The following SFMBT1 variants were observed in gnomAD, a reference collection of about 807,000 sequenced individuals.
The protein encoded by SFMBT1 is scm-like with four MBT domains protein 1.
SFMBT1 carries 32 observed loss-of-function variants against 108.7 expected under a neutral mutation model. That is an observed-to-expected ratio of 0.29 (90% CI 0.22 to 0.40). SFMBT1 has a LOEUF of 0.40. SFMBT1 is among the 10% of genes least tolerant of loss of function. The pLI is 1.00. For missense variants in SFMBT1, 816 were observed against 1,059.6 expected (o/e 0.77, Z 3.19); for synonymous variants, 348 against 369.5 (o/e 0.94, Z 0.67).
At chr3:53,040,703 A>G (rs1700011486) in intron 1 of SFMBT1, among the ~76,000 whole-genome samples, 1 of 152,144 alleles carries the variant, frequency 6.6e-6, no homozygotes, top group Non-Finnish European at 1.5e-5. Context: ...CTCTCTCTGC[A>G]TAGTGACATG....
chr3:52,969,555 T>G (rs961211710), intron 1 of SFMBT1, among the ~76,000 whole-genome samples: 3 of 152,154 alleles, frequency 2.0e-5, no homozygotes, highest in African/African-American at 7.2e-5. Flanking sequence ...AAATTTACAT[T>G]ACCATACTTA....
intron 1 of SFMBT1, among the ~76,000 whole-genome samples, chr3:53,030,783 T>G (rs1024842792): frequency 2.0e-5 from 3 of 152,050 alleles, no homozygotes; most frequent in African/African-American, 7.2e-5. Flanking sequence ...TTAGCAAGTC[T>G]GTGACTAAAG....
At chr3:53,011,336 T>C (rs1224563142) in intron 1 of SFMBT1, among the ~76,000 whole-genome samples, 1 of 152,066 alleles carries the variant, frequency 6.6e-6, no homozygotes, top group Non-Finnish European at 1.5e-5. Flanking sequence ...GGGTGGAAAG[T>C]ATGCTCGTGT....
intron 1 of SFMBT1, chr3:53,045,298 C>G (rs914113197): frequency 1.4e-5 from 2 of 145,910 alleles, no homozygotes; most frequent in African/African-American, 4.9e-5. Flanking sequence ...GCGCCCGGCC[C>G]CAGCTGCGGG....
At chr3:52,911,869 T>G (rs945326757) in intron 16 of SFMBT1, among the ~76,000 whole-genome samples, 1 of 151,740 alleles carries the variant, frequency 6.6e-6, no homozygotes, top group South Asian at 2.1e-4. Context: ...CTGGCTAATT[T>G]TTGTATTTTG....
In SFMBT1 at chr3:53,014,383, T is replaced by C. The variant is rs566705550; in HGVS notation, c.-131+31433A>G. Among the ~76,000 whole-genome samples the C allele has an allele frequency of 1.1e-3, 173 of 151,944 alleles. 1 individual carries two copies. Among genetic ancestry groups the C allele is most frequent in the African/African-American group, 4.1e-3 (170 of 41,450 alleles). ...ACTTTGGGAGGCTGAGGCAGGAGAATCGCTTGAGCCCAGGAGGTCAAGTTT... is the reference window on the plus strand; with the variant it reads ...ACTTTGGGAGGCTGAGGCAGGAGAACCGCTTGAGCCCAGGAGGTCAAGTTT... On this transcript the variant is annotated intron_variant, in intron 1 of 20. Coordinates refer to ENST00000394752, the MANE Select transcript of SFMBT1 (RefSeq NM_016329.4).
chr3:52,920,714 C>A, intron 11 of SFMBT1, 64 bp from the exon 12 acceptor site: 1 of 975,056 alleles, frequency 1.0e-6, no homozygotes. Context: ...ATTAAATAAC[C>A]TTCTTCATAA....
At chr3:52,976,642 T>C (rs752848975) in intron 1 of SFMBT1, among the ~76,000 whole-genome samples, 5 of 151,988 alleles carry the variant, frequency 3.3e-5, no homozygotes, top group Non-Finnish European at 7.4e-5. Flanking sequence ...AACTTTCAAC[T>C]GGCAAAAAGA....
intron 1 of SFMBT1, among the ~76,000 whole-genome samples, chr3:53,012,593 G>C (rs1021219293): frequency 6.6e-6 from 1 of 151,128 alleles, no homozygotes; most frequent in Non-Finnish European, 1.5e-5. Flanking sequence ...TAGTAGAGGC[G>C]GGGTTTCACT....
chr3:52,907,354 A>G (rs1482940811), intron 18 of SFMBT1, 40 bp from the exon 19 acceptor site: 4 of 1,577,896 alleles, frequency 2.5e-6, no homozygotes, highest in Non-Finnish European at 3.4e-6. Context: ...AATTCAGGAC[A>G]TCAATCCCAG....
chr3:52,907,976 T>C (rs1180330687), intron 17 of SFMBT1, among the ~76,000 whole-genome samples: 2 of 152,030 alleles, frequency 1.3e-5, no homozygotes, highest in African/African-American at 2.4e-5. Flanking sequence ...TCCCAGTCAG[T>C]ACCCCTTACT....
chr3:52,938,340 C>T (rs1048662004), intron 4 of SFMBT1, among the ~76,000 whole-genome samples: 12 of 152,148 alleles, frequency 7.9e-5, no homozygotes, highest in Admixed American at 5.9e-4. Flanking sequence ...TTATATACTT[C>T]GTGTATATGT....
At chr3:52,916,854 G>A (rs945225843) in intron 13 of SFMBT1, among the ~76,000 whole-genome samples, 4 of 152,036 alleles carry the variant, frequency 2.6e-5, no homozygotes, top group Non-Finnish European at 5.9e-5. Flanking sequence ...AAAATTTCTT[G>A]TGAGATGCTT....
chr3:52,932,215 T>C lies in SFMBT1; in HGVS notation c.547A>G (p.Thr183Ala). The change falls in exon 6 of 21, where the codon ACT becomes GCT. Residue 183 changes from threonine to alanine, a missense_variant. Around this residue, in one of 5 missense-constraint regions of SFMBT1, gnomAD observed 495 missense variants for 607.4 expected, o/e 0.81. Transcript: ENST00000394752. The stretch of plus-strand genomic sequence containing the variant: ...CTTCCTCCAATGTTTTCTACTACAG[T>C]AACAATCCAAGTGCTTAAAGAGTCC... ...FQDSLSTWIV[T>A]VVENIGGRLK... is the part of the protein sequence containing the mutation. 2.5e-6 allele frequency: 4 copies of C among 1,614,184 alleles called. No individual in the cohort carries two copies. The highest frequency in any genetic ancestry group is 3.4e-6 in the Non-Finnish European group (4 of 1,180,022).
In SFMBT1 at chr3:52,932,154, T is replaced by C. The variant is rs1424757537; in HGVS notation, c.608A>G (p.Asp203Gly). The change falls in exon 6 of 21, where the codon GAC (aspartate) becomes GGC (glycine). Residue 203 changes from aspartate (D) to glycine (G), a missense_variant. This residue lies in a region of SFMBT1 where 495 missense variants were observed against 607.4 expected (regional missense o/e 0.81). Coordinates refer to ENST00000394752, the MANE Select transcript of SFMBT1 (RefSeq NM_016329.4). ...GTAATACAACCAATGTTCATAATTG[T>C]CAGAACTTTCAAGTCCTTCATAACG... ...KLRYEGLESS[D>G]NYEHWLYYLD... The C allele has an allele frequency of 6.2e-7, 1 of 1,614,190 alleles. No individual in the cohort carries two copies. The highest frequency in any genetic ancestry group is 8.5e-7 in the Non-Finnish European group (1 of 1,180,028).
chr3:53,015,210 C>T (rs1481445153), intron 1 of SFMBT1, among the ~76,000 whole-genome samples: 1 of 147,994 alleles, frequency 6.8e-6, no homozygotes, highest in African/African-American at 2.5e-5. Context: ...AGACCCTGTC[C>T]CAAGGAAAAA....
In SFMBT1 at chr3:52,907,333, A is replaced by G; in HGVS notation, c.2086-19T>C. The stretch of plus-strand genomic sequence containing the variant: ...CACTTCCCTGCAGGAAAAGGAGAGA[A>G]GTCTCATTGAAATTCAGGACATCAA... On this transcript the variant is annotated intron_variant, in intron 18 of 20. Transcript: ENST00000394752. 6.3e-7 allele frequency: 1 copy of G among 1,595,746 alleles called. No homozygotes were observed.
chr3:52,937,895 T>A (rs970114143), intron 4 of SFMBT1, among the ~76,000 whole-genome samples: 16 of 151,832 alleles, frequency 1.1e-4, no homozygotes, highest in African/African-American at 3.9e-4. Flanking sequence ...ATTTACTCTT[T>A]TATTTTGAAA....
At chr3:52,929,530 C>T (rs578035169) in intron 8 of SFMBT1, among the ~76,000 whole-genome samples, 3 of 152,292 alleles carry the variant, frequency 2.0e-5, no homozygotes, top group South Asian at 4.1e-4. Flanking sequence ...TGAGCCACCA[C>T]ACCCGGCCAA....
Sources: gnomAD v4.1 joint callset for allele counts (sites outside exome capture counted in the v4.1 genomes callset) on GRCh38, gnomAD v4.1.1 for gene constraint, gnomAD v4.1.1 regional missense constraint, MANE v1.5 for transcripts, NCBI Gene and HGNC (gene_info 2026-07-23, HGNC 2026-07-21) for gene names.